Variants in TPM3 observed in about 807,000 individuals in gnomAD.
TPM3 encodes tropomyosin 3, also known as tropomyosin alpha-3 chain.
TPM3 carries 16 observed loss-of-function variants against 43.1 expected under a neutral mutation model. The ratio of observed to expected loss-of-function variants is 0.37; its 90% CI spans 0.25 to 0.56. TPM3 has a LOEUF of 0.56. Ranked by LOEUF, TPM3 falls within the 20% of genes least tolerant of loss-of-function variation. The probability of loss-of-function intolerance (pLI) is 0.77; values close to 1 mark genes in which losing one functional copy is unlikely to be tolerated. For missense variants in TPM3, 176 were observed against 337.2 expected (o/e 0.52, Z 3.74); for synonymous variants, 101 against 116.9 (o/e 0.86, Z 0.88).
At chr1:154,172,845 T>G in intron 5 of TPM3, 63 bp downstream of exon 5, 1 of 1,586,252 alleles carries the variant, frequency 6.3e-7, no homozygotes. Flanking sequence ...TTCATATTAG[T>G]GCCCAAGCCA....
intron 8 of TPM3, chr1:154,169,741 T>C (rs146604558): frequency 3.9e-4 from 144 of 367,370 alleles, no homozygotes; most frequent in African/African-American, 2.7e-3. Context: ...AGGGAGAGAG[T>C]ATATATCCAT....
At chr1:154,156,768 G>A (rs1023044694), downstream of TPM3, 2 of 199,376 alleles carry the variant, frequency 1.0e-5, no homozygotes, top group African/African-American at 4.6e-5. Context: ...AGAGACAGCA[G>A]CTTCAAACCC....
At chr1:154,171,523 G>A (rs1282006285) in intron 5 of TPM3, 35 bp from the exon 6 acceptor site, 1 of 1,607,618 alleles carries the variant, frequency 6.2e-7, no homozygotes, top group East Asian at 2.2e-5. Flanking sequence ...GAGAGGAAAA[G>A]GGAAAAGGAA....
At chr1:154,190,096 C>T (rs555640346) in intron 2 of TPM3, among the ~76,000 whole-genome samples, 1 of 152,176 alleles carries the variant, frequency 6.6e-6, no homozygotes, top group South Asian at 2.1e-4. Flanking sequence ...CACCCGCCAC[C>T]ACACCTGGCT....
chr1:154,188,450 C>G (rs1008423384), intron 2 of TPM3, among the ~76,000 whole-genome samples: 1 of 150,744 alleles, frequency 6.6e-6, no homozygotes, highest in African/African-American at 2.5e-5. Context: ...CCGTGGCGGG[C>G]GGATCACAAG....
chr1:154,160,963 T>G (rs1000108369), downstream of TPM3, among the ~76,000 whole-genome samples: 2 of 151,830 alleles, frequency 1.3e-5, no homozygotes, highest in African/African-American at 2.4e-5. Flanking sequence ...TGGTGACTAT[T>G]CATAGGCCTA....
chr1:154,177,357 T>C (rs1638910076), intron 2 of TPM3, among the ~76,000 whole-genome samples: 1 of 152,150 alleles, frequency 6.6e-6, no homozygotes. Context: ...CACCCTCTAA[T>C]ACAGCGACAA....
At chr1:154,168,699 AT>A (rs1416014542) in intron 9 of TPM3, among the ~76,000 whole-genome samples, 1 of 151,948 alleles carries the variant, frequency 6.6e-6, no homozygotes, top group Non-Finnish European at 1.5e-5. Context: ...TTTTTTAAAT[AT>A]TTTTTAGTAG....
At chr1:154,171,766 T>C (rs1558043934) in intron 5 of TPM3, 2 of 620,790 alleles carry the variant, frequency 3.2e-6, no homozygotes, top group African/African-American at 1.8e-5. Flanking sequence ...AACTGCTACC[T>C]GGGGTGGAGG....
chr1:154,176,098 C>T lies in TPM3; in HGVS notation c.377+17G>A, dbSNP rs1328478480. 2 of 1,612,820 alleles carry T rather than the reference C, an allele frequency of 1.2e-6. No individual in the cohort carries two copies. Among genetic ancestry groups the T allele is most frequent in the African/African-American group, 2.7e-5 (2 of 74,836 alleles). On this transcript the variant is annotated intron_variant, in intron 3 of 9. Transcript: ENST00000651641. ...TGAACTTTTAAAATCCACACTCCAT[C>T]AGGCTTCCCTACACACCTCTCACTC...
At position 154,166,903 on chromosome 1, in the gene TPM3, G is replaced by A. The variant is rs536670369; in HGVS notation, c.*1034C>T. On this transcript the variant is annotated 3_prime_UTR_variant, in exon 10 of 10. Coordinates refer to ENST00000651641, the MANE Select transcript of TPM3 (RefSeq NM_152263.4). ...TCACCATGTTGGCCGAGCTGGTCTC[G>A]AACTCATGACCTCAGGTGATCCACC... 1.7e-3 allele frequency among the ~76,000 whole-genome samples: 264 copies of A among 152,198 alleles called. 1 individual carries two copies. The highest frequency in any genetic ancestry group is 6.0e-3 in the African/African-American group (250 of 41,528).
intron 5 of TPM3, chr1:154,172,211 C>G (rs2148238173): frequency 2.7e-6 from 3 of 1,105,380 alleles, no homozygotes; most frequent in Non-Finnish European, 4.2e-6. Flanking sequence ...AAAAAAAATT[C>G]AAAAAATGGG....
intron 1 of TPM3, 33 bp from the exon 2 acceptor site, chr1:154,191,344 A>T: frequency 6.2e-7 from 1 of 1,613,232 alleles, no homozygotes; most frequent in Non-Finnish European, 8.5e-7. Context: ...ACACAAAAAC[A>T]CACAAACACA....
chr1:154,171,894 G>C, intron 5 of TPM3: 1 of 946,044 alleles, frequency 1.1e-6, no homozygotes, highest in South Asian at 1.3e-5. Flanking sequence ...AAGTGGAAAA[G>C]AATGGAGCAT....
At position 154,186,316 on chromosome 1, in the gene TPM3, C is replaced by T. The variant is rs576559215; in HGVS notation, c.243+4870G>A. ...GTGCCCTGGTAAAGCAGCAGAAGAC[C>T]TCATCCTAGCCAAACCAAGAGGGTA... On this transcript the variant is annotated intron_variant, in intron 2 of 9. Coordinates refer to ENST00000651641, the MANE Select transcript of TPM3 (RefSeq NM_152263.4). 2.8e-4 allele frequency among the ~76,000 whole-genome samples: 42 copies of T among 151,554 alleles called. 4 individuals are homozygous for T. Among genetic ancestry groups the T allele is most frequent in the African/African-American group, 1.0e-3 (41 of 40,872 alleles).
chr1:154,189,267 G>A (rs2148292073), intron 2 of TPM3, among the ~76,000 whole-genome samples: 1 of 149,718 alleles, frequency 6.7e-6, no homozygotes, highest in East Asian at 2.0e-4. Flanking sequence ...CGGATCACTT[G>A]AGGTTAGGAG....
chr1:154,172,361 C>T (rs967980713), intron 5 of TPM3: 5 of 661,392 alleles, frequency 7.6e-6, no homozygotes, highest in Admixed American at 6.2e-5. Flanking sequence ...TTAATATCTA[C>T]CCTTGCCCTA....
At chr1:154,172,277 G>T (rs1405435481) in intron 5 of TPM3, 1 of 759,562 alleles carries the variant, frequency 1.3e-6, no homozygotes, top group Non-Finnish European at 2.4e-6. Context: ...GAATGTAAGA[G>T]GGAAGCACAA....
chr1:154,163,785 A>C lies in TPM3; in HGVS notation c.*4152T>G, dbSNP rs1163290209. Among the ~76,000 whole-genome samples the C allele has an allele frequency of 1.3e-5, 2 of 151,906 alleles. No homozygotes were observed. Among genetic ancestry groups the C allele is most frequent in the Non-Finnish European group, 2.9e-5 (2 of 67,972 alleles). On this transcript the variant is annotated 3_prime_UTR_variant, in exon 10 of 10. Coordinates refer to ENST00000651641, the MANE Select transcript of TPM3 (RefSeq NM_152263.4). ...AGTAGTTGGGACTACAGGTGCCCGCAACCACGCCCAGCTAATTTTTTGTAT... is the reference window on the plus strand; with the variant it reads ...AGTAGTTGGGACTACAGGTGCCCGCCACCACGCCCAGCTAATTTTTTGTAT...
Sources: allele counts gnomAD v4.1 joint callset (sites outside exome capture counted in the v4.1 genomes callset), GRCh38; gene constraint gnomAD v4.1.1; transcripts MANE v1.5; gene names NCBI Gene and HGNC (gene_info 2026-07-23, HGNC 2026-07-21).